Variants in DMD observed in about 807,000 individuals in gnomAD.
The protein encoded by DMD is dystrophin, also known as mutant dystrophin.
A neutral mutation model predicts 330.1 loss-of-function variants in DMD; 63 were observed. That is an observed-to-expected ratio of 0.19 (90% CI 0.16 to 0.24). The LOEUF (loss-of-function observed/expected upper bound fraction) is 0.24, where lower values mean the gene tolerates loss of function less well. Ranked by LOEUF, DMD falls within the 10% of genes least tolerant of loss-of-function variation. DMD has a pLI of 1.00. For synonymous variants in DMD, 1,223 were observed against 959.8 expected (o/e 1.27, Z -5.07); for missense variants, 3,344 against 2,684.1 (o/e 1.25, Z -5.43).
At chrX:31,537,589 A>T (rs1432649796) in intron 55 of DMD, among the ~76,000 whole-genome samples, 1 of 111,950 alleles carries the variant, frequency 8.9e-6, no homozygotes, top group Non-Finnish European at 1.9e-5. Flanking sequence ...TGCTGAAGCT[A>T]TCTTCTTGCC....
intron 11 of DMD, among the ~76,000 whole-genome samples, chrX:32,624,902 G>A (rs750502254): frequency 8.7e-4 from 97 of 111,718 alleles, no homozygotes; most frequent in Non-Finnish European, 1.6e-3. Context: ...GGCTGGGTGC[G>A]ATGGCTCACG....
At chrX:32,367,749 C>G (rs1216669735) in intron 34 of DMD, among the ~76,000 whole-genome samples, 1 of 111,885 alleles carries the variant, frequency 8.9e-6, no homozygotes, top group Non-Finnish European at 1.9e-5. Flanking sequence ...GAAATGTGGA[C>G]TAATTTCTAG....
intron 60 of DMD, among the ~76,000 whole-genome samples, chrX:31,349,333 T>G: frequency 8.9e-6 from 1 of 111,802 alleles, no homozygotes; most frequent in Non-Finnish European, 1.9e-5. Context: ...TCCCAGCTCC[T>G]AGGGAGGCTG....
At chrX:33,263,433 T>TAAAAA (rs1224053908) in intron 1 of DMD, among the ~76,000 whole-genome samples, 2 of 105,219 alleles carry the variant, frequency 1.9e-5, no homozygotes, top group African/African-American at 7.3e-5. Context: ...GAGAGCTTTT[T>TAAAAA]AAAAAATATA....
chrX:32,775,722 G>A (rs1373688345), intron 7 of DMD, among the ~76,000 whole-genome samples: 1 of 113,144 alleles, frequency 8.8e-6, no homozygotes, highest in East Asian at 2.8e-4. Context: ...CTGGGCCTGT[G>A]ATGGAAGGGG....
At chrX:31,986,865 A>T (rs2095513148) in intron 44 of DMD, among the ~76,000 whole-genome samples, 1 of 112,523 alleles carries the variant, frequency 8.9e-6, no homozygotes, top group Admixed American at 9.4e-5. Flanking sequence ...AAACTATAAT[A>T]TTCCTATATG....
chrX:33,110,863 A>G (rs2095334343), intron 1 of DMD, among the ~76,000 whole-genome samples: 1 of 111,047 alleles, frequency 9.0e-6, no homozygotes. Flanking sequence ...TGTCAGTTCT[A>G]TCACTGCCCT....
At chrX:33,047,634 ATTT>A (rs1446111390) in intron 1 of DMD, among the ~76,000 whole-genome samples, 1 of 112,586 alleles carries the variant, frequency 8.9e-6, no homozygotes, top group African/African-American at 3.2e-5. Flanking sequence ...CAAATGAATT[ATTT>A]TTGTCTTATT....
chrX:31,733,006 CAGG>C (rs1370961086), intron 51 of DMD, among the ~76,000 whole-genome samples: 2 of 111,208 alleles, frequency 1.8e-5, no homozygotes, highest in African/African-American at 6.5e-5. Context: ...AAACAAAACA[CAGG>C]AGAAGGAAGG....
At chrX:31,854,535 A>G (rs781712906) in intron 48 of DMD, among the ~76,000 whole-genome samples, 6 of 111,234 alleles carry the variant, frequency 5.4e-5, no homozygotes, top group Non-Finnish European at 9.4e-5. Flanking sequence ...TACTATTACC[A>G]TTTTTTCAGA....
chrX:31,313,520 GATTT>G (rs1254372470), intron 62 of DMD, among the ~76,000 whole-genome samples: 1 of 111,931 alleles, frequency 8.9e-6, no homozygotes, highest in Non-Finnish European at 1.9e-5. Flanking sequence ...TATTTTATTT[GATTT>G]ATTTATTTTT....
At chrX:32,980,804 C>T (rs764303383) in intron 2 of DMD, among the ~76,000 whole-genome samples, 7 of 111,750 alleles carry the variant, frequency 6.3e-5, no homozygotes, top group South Asian at 3.8e-4. Context: ...AGGAGTCAGA[C>T]GAATAGAGAT....
intron 60 of DMD, among the ~76,000 whole-genome samples, chrX:31,406,523 T>A (rs2061407298): frequency 9.0e-6 from 1 of 111,424 alleles, no homozygotes; most frequent in Non-Finnish European, 1.9e-5. Flanking sequence ...GGAATTGGTG[T>A]TCCAGGTAGA....
At chrX:32,044,884 C>T (rs1603623094) in intron 44 of DMD, among the ~76,000 whole-genome samples, 1 of 111,818 alleles carries the variant, frequency 8.9e-6, no homozygotes, top group East Asian at 2.8e-4. Context: ...CAGGATGTTT[C>T]GAATGCAGGC....
intron 2 of DMD, among the ~76,000 whole-genome samples, chrX:32,975,418 A>G (rs977288869): frequency 9.6e-6 from 1 of 103,729 alleles, no homozygotes; most frequent in Non-Finnish European, 2.0e-5. Flanking sequence ...AGAATTGGAA[A>G]TCAACTGCAT....
chrX:32,751,106 T>A (rs1036141173), intron 7 of DMD, among the ~76,000 whole-genome samples: 4 of 111,415 alleles, frequency 3.6e-5, no homozygotes, highest in Non-Finnish European at 7.5e-5. Context: ...TAAAAACAAA[T>A]TAATACAGTG....
rs143625120 is a variant in DMD at position 32,403,538 on chromosome X, G to A, written c.4233+8214C>T. 2.6e-3 allele frequency among the ~76,000 whole-genome samples: 294 copies of A among 111,653 alleles called. 3 individuals are homozygous for A. The highest frequency in any genetic ancestry group is 8.2e-3 in the African/African-American group (254 of 30,843). On this transcript the variant is annotated intron_variant, in intron 30 of 78. Coordinates refer to ENST00000357033, the MANE Select transcript of DMD (RefSeq NM_004006.3). ...CCAGTGAGGACATAATAATGTACAGGTTGTCCAAGTACAGTCAGTGACGTG... is the reference window on the plus strand; with the variant it reads ...CCAGTGAGGACATAATAATGTACAGATTGTCCAAGTACAGTCAGTGACGTG...
At chrX:31,203,050 G>A (rs2043659420) in intron 67 of DMD, among the ~76,000 whole-genome samples, 1 of 110,692 alleles carries the variant, frequency 9.0e-6, no homozygotes, top group East Asian at 2.8e-4. Flanking sequence ...GGGAGTTCGA[G>A]GCAGGTGGAT....
intron 1 of DMD, among the ~76,000 whole-genome samples, chrX:33,165,337 A>G (rs1399812034): frequency 9.0e-6 from 1 of 111,711 alleles, no homozygotes; most frequent in Non-Finnish European, 1.9e-5. Flanking sequence ...GGAAAAGATA[A>G]TCTTTACTGT....
Sources: allele counts gnomAD v4.1 joint callset (sites outside exome capture counted in the v4.1 genomes callset), GRCh38; gene constraint gnomAD v4.1.1; transcripts MANE v1.5; gene names NCBI Gene and HGNC (gene_info 2026-07-23, HGNC 2026-07-21).